The following SPTBN2 variants were observed in gnomAD, a reference collection of about 807,000 sequenced individuals.
The protein encoded by SPTBN2 is spectrin beta chain, non-erythrocytic 2.
Under a neutral mutation model 284.2 loss-of-function variants are expected in SPTBN2, and 107 were observed. That is an observed-to-expected ratio of 0.38 (90% CI 0.32 to 0.44). The LOEUF (loss-of-function observed/expected upper bound fraction) is 0.44, where lower values mean the gene tolerates loss of function less well. Ranked by LOEUF, SPTBN2 falls within the 20% of genes least tolerant of loss-of-function variation. The pLI is 1.00. For missense variants in SPTBN2, 2,569 were observed against 3,287.1 expected (o/e 0.78, Z 5.34); for synonymous variants, 1,289 against 1,354.8 (o/e 0.95, Z 1.07).
intron 1 of SPTBN2, among the ~76,000 whole-genome samples, chr11:66,741,194 A>G (rs1942893357): frequency 6.6e-6 from 1 of 152,178 alleles, no homozygotes; most frequent in African/African-American, 2.4e-5. Context: ...GTGTCATGGG[A>G]GGGACCAGGC....
chr11:66,705,250 C>T lies in SPTBN2; in HGVS notation c.2026G>A (p.Ala676Thr), dbSNP rs1289410384. ...SADTGRDLTG[A>T]LRLLNKHTAL... ...GTGTGCTTGTTGAGCAGGCGGAGGGCACCGGTCAGGTCTCGGCCCGTGTCG... is the reference window on the plus strand; with the variant it reads ...GTGTGCTTGTTGAGCAGGCGGAGGGTACCGGTCAGGTCTCGGCCCGTGTCG... The change falls in exon 15 of 38, where the codon GCC (alanine) becomes ACC (threonine). Residue 676 changes from alanine to threonine, a missense_variant. Transcript: ENST00000533211. 1.9e-6 allele frequency: 3 copies of T among 1,574,290 alleles called. No individual in the cohort carries two copies. Among genetic ancestry groups the T allele is most frequent in the Non-Finnish European group, 2.6e-6 (3 of 1,166,208 alleles).
At chr11:66,703,248 TA>T (rs964261237) in intron 15 of SPTBN2, among the ~76,000 whole-genome samples, 37 of 149,460 alleles carry the variant, frequency 2.5e-4, no homozygotes, top group Admixed American at 1.1e-3. Flanking sequence ...CCTGGCTAAT[TA>T]AAAAAAAAAT....
Position 66,691,344 on chromosome 11 carries a change from G to A in SPTBN2, c.5505C>T (p.Ala1835=), listed in dbSNP as rs368458475. The A allele has an allele frequency of 7.0e-6, 11 of 1,566,858 alleles. 1 individual carries two copies. The highest frequency in any genetic ancestry group is 5.3e-5 in the Admixed American group (3 of 56,918). Residue 1835 remains alanine, a synonymous_variant, in exon 27 of 38, where the codon GCC becomes GCT. Coordinates refer to ENST00000533211, the MANE Select transcript of SPTBN2 (RefSeq NM_006946.4). The surrounding 1 kb of genome is among the most constrained non-coding windows in gnomAD (Gnocchi z 8.0). Reference sequence around the variant, plus strand: ...CACAGTGTCGGCGCTGCAGGGCCTCGGCAGCGTTGAGGTCGCGGCCAGTCC... The same window carrying A: ...CACAGTGTCGGCGCTGCAGGGCCTCAGCAGCGTTGAGGTCGCGGCCAGTCC... ...PDGTGRDLNA[A]EALQRRHCAY... is the part of the protein sequence containing the mutation.
chr11:66,726,947 C>T (rs1337541978), intron 1 of SPTBN2, among the ~76,000 whole-genome samples: 1 of 152,186 alleles, frequency 6.6e-6, no homozygotes, highest in African/African-American at 2.4e-5. Flanking sequence ...ACAGCAAAAC[C>T]CCGACCCACC....
At chr11:66,724,087 C>T (rs1219649258) in intron 1 of SPTBN2, among the ~76,000 whole-genome samples, 1 of 152,194 alleles carries the variant, frequency 6.6e-6, no homozygotes, top group Admixed American at 6.5e-5. Context: ...AAGGCTAGCC[C>T]CCAGGAGTGT....
intron 5 of SPTBN2, 76 bp from the exon 6 acceptor site, chr11:66,714,483 G>C: frequency 8.0e-7 from 1 of 1,257,298 alleles, no homozygotes; most frequent in Non-Finnish European, 1.2e-6. Flanking sequence ...CAGATAAATG[G>C]CAGGAAACTG....
chr11:66,733,996 A>G (rs2135606480), upstream of SPTBN2, among the ~76,000 whole-genome samples: 1 of 152,052 alleles, frequency 6.6e-6, no homozygotes, highest in East Asian at 1.9e-4. Flanking sequence ...AAAAAAAAAA[A>G]AAAAAAAAAA....
Position 66,700,842 on chromosome 11 carries a change from G to A in SPTBN2, c.3257C>T (p.Thr1086Ile), listed in dbSNP as rs1941200133. ...CGGCCCTTCTTCAGAGGCCACAGCA[G>A]TCTGAGTGCGGCCTAGCCAGGCCTG... ...DFQAWLGRTQTAVASEEGPAT... is the reference protein window; with the variant it reads ...DFQAWLGRTQIAVASEEGPAT... Residue 1086 changes from threonine (T) to isoleucine (I), a missense_variant, in exon 17 of 38, where the codon ACT becomes ATT. By Grantham distance (89) the Thr-to-Ile change is moderately conservative. This residue lies in a region of SPTBN2 where 1,012 missense variants were observed against 1,248.9 expected (regional missense o/e 0.81). Coordinates refer to ENST00000533211, the MANE Select transcript of SPTBN2 (RefSeq NM_006946.4). This position sits in a 1 kb window ranked among gnomAD's most constrained non-coding sequence, Gnocchi z 6.6. The A allele has an allele frequency of 6.2e-7, 1 of 1,600,188 alleles. No homozygotes were observed. Among genetic ancestry groups the A allele is most frequent in the South Asian group, 1.1e-5 (1 of 91,086 alleles).
At chr11:66,699,187 C>T (rs544913178) in intron 18 of SPTBN2, 105 bp from the exon 19 acceptor site, 18 of 1,438,214 alleles carry the variant, frequency 1.3e-5, no homozygotes, top group South Asian at 3.6e-5. Flanking sequence ...TAACGCCTTC[C>T]GGGAGCACAA....
intron 26 of SPTBN2, among the ~76,000 whole-genome samples, chr11:66,692,010 T>C (rs540865208): frequency 6.6e-6 from 1 of 152,222 alleles, no homozygotes; most frequent in East Asian, 1.9e-4. Context: ...TGTTGAAAAG[T>C]GTGAGTGATA....
chr11:66,741,204 C>T (rs1942893406), intron 1 of SPTBN2, among the ~76,000 whole-genome samples: 1 of 152,156 alleles, frequency 6.6e-6, no homozygotes, highest in Admixed American at 6.5e-5. Context: ...AGGGACCAGG[C>T]GGAGATAATT....
At position 66,715,210 on chromosome 11, in the gene SPTBN2, G is replaced by A; in HGVS notation, c.483+12C>T. ...CAGGAACCACACCCTGTGTGACAGT[G>A]TGCTGGGGTACCTGGAATCGAAGGA... On this transcript the variant is annotated intron_variant, in intron 5 of 37. Coordinates refer to ENST00000533211, the MANE Select transcript of SPTBN2 (RefSeq NM_006946.4). This position sits in a 1 kb window ranked among gnomAD's most constrained non-coding sequence, Gnocchi z 5.3. The A allele has an allele frequency of 6.2e-7, 1 of 1,614,206 alleles. No individual in the cohort carries two copies. The highest frequency in any genetic ancestry group is 8.5e-7 in the Non-Finnish European group (1 of 1,180,036).
chr11:66,692,811 G>C, intron 25 of SPTBN2, 71 bp from the exon 26 acceptor site: 1 of 1,597,368 alleles, frequency 6.3e-7, no homozygotes, highest in Non-Finnish European at 8.5e-7. Flanking sequence ...GTTCTGTGGA[G>C]CCCTGTCCCT....
chr11:66,704,124 C>T lies in SPTBN2; in HGVS notation c.2678+474G>A, dbSNP rs548715104. Among the ~76,000 whole-genome samples the T allele has an allele frequency of 3.3e-5, 5 of 152,148 alleles. No individual in the cohort carries two copies. The South Asian group carries it at 6.2e-4, about 19-fold the overall frequency. ...AGTAGCTGGGACTACAGGCGCCCCCCACTGTGCCCGGCTAATTTTTTGTAT... is the reference window on the plus strand; with the variant it reads ...AGTAGCTGGGACTACAGGCGCCCCCTACTGTGCCCGGCTAATTTTTTGTAT... On this transcript the variant is annotated intron_variant, in intron 15 of 37. Transcript: ENST00000533211.
At chr11:66,702,535 G>A (rs1941303379) in intron 15 of SPTBN2, among the ~76,000 whole-genome samples, 1 of 152,172 alleles carries the variant, frequency 6.6e-6, no homozygotes, top group Non-Finnish European at 1.5e-5. Flanking sequence ...AAATATTATA[G>A]GCTTCGTGAG....
In SPTBN2 at chr11:66,691,626, C is replaced by T; in HGVS notation, c.5223G>A (p.Arg1741=). The change falls in exon 27 of 38, where the codon CGG becomes CGA. Residue 1741 remains arginine (R), a synonymous_variant. Transcript: ENST00000533211. The surrounding 1 kb of genome is among the most constrained non-coding windows in gnomAD (Gnocchi z 8.0). ...GCTCCTGACCGATGGTGCTTGTGTC[C>T]CGGGAGAACTCTCGGAATTTGTCTC... ...MLRDKFREFS[R]DTSTIGQERV... The T allele has an allele frequency of 6.2e-7, 1 of 1,613,842 alleles. No individual in the cohort carries two copies. Among genetic ancestry groups the T allele is most frequent in the Non-Finnish European group, 8.5e-7 (1 of 1,180,046 alleles).
rs769523801 is a variant in SPTBN2 at position 66,691,536 on chromosome 11, G to A, written c.5313C>T (p.Thr1771=). The part of the protein sequence containing the change: ...LIAGGHAARA[T]VAEWKDSLNE... ...TGAGACTGTCCTTCCACTCGGCCAC[G>A]GTGGCCCGTGCAGCATGGCCCCCAG... The change falls in exon 27 of 38, where the codon ACC becomes ACT. Residue 1771 remains threonine (T), a synonymous_variant. Coordinates refer to ENST00000533211, the MANE Select transcript of SPTBN2 (RefSeq NM_006946.4). This position sits in a 1 kb window ranked among gnomAD's most constrained non-coding sequence, Gnocchi z 8.0. 12 of 1,612,886 alleles carry A rather than the reference G, an allele frequency of 7.4e-6. No homozygotes were observed. Among genetic ancestry groups the A allele is most frequent in the Admixed American group, 1.7e-5 (1 of 60,010 alleles).
rs749261971 is a variant in SPTBN2, at chr11:66,709,110, TTTC to T, written c.1074-94_1074-92del. The stretch of plus-strand genomic sequence containing the variant: ...TTCCAAATGGGTGTCCTGTGTTGCT[TTTC>T]TTCTTACAAAAGCAATATAAACTTT... On this transcript the variant is annotated intron_variant, in intron 10 of 37. Transcript: ENST00000533211. 8.1e-5 allele frequency: 86 copies of T among 1,062,244 alleles called. No homozygotes were observed. In the African/African-American group the frequency reaches 1.2e-3, roughly 14 times the overall value. The allele number at this position is 1,062,244 out of a possible 1,614,324, so 65.8% of individuals were successfully genotyped here.
Position 66,683,691 on chromosome 11 carries a change from G to A in SPTBN2, c.*2180C>T, listed in dbSNP as rs960727587. Among the ~76,000 whole-genome samples the A allele has an allele frequency of 5.9e-5, 9 of 152,216 alleles. No homozygotes were observed. The highest frequency in any genetic ancestry group is 2.2e-4 in the African/African-American group (9 of 41,450). On this transcript the variant is annotated 3_prime_UTR_variant, in exon 38 of 38. Transcript: ENST00000533211. ...TACTGCAGGACTGCTTCAATTGGCT[G>A]TCCTATTTACACTTACGTGTCGTGT...
Sources: allele counts gnomAD v4.1 joint callset (sites outside exome capture counted in the v4.1 genomes callset), GRCh38; gene constraint gnomAD v4.1.1; regional missense constraint gnomAD v4.1.1; non-coding constraint Gnocchi (gnomAD v3.1); transcripts MANE v1.5; gene names NCBI Gene and HGNC (gene_info 2026-07-23, HGNC 2026-07-21).